TM2D3: variants seen among roughly 807,000 people sequenced by gnomAD.
TM2D3 encodes the protein TM2 domain-containing protein 3.
In TM2D3, 33 loss-of-function variants were observed where a neutral mutation model predicts 27.3. That is an observed-to-expected ratio of 1.21 (90% CI 0.92 to 1.61). TM2D3 has a LOEUF of 1.61. TM2D3 is among the 40% of genes most tolerant of loss of function. The pLI is 0.00. For missense variants in TM2D3, 364 were observed against 320.8 expected (o/e 1.13, Z -1.03); for synonymous variants, 138 against 122.2 (o/e 1.13, Z -0.85).
chr15:101,650,874 G>C (rs1490058554), intron 2 of TM2D3: 1 of 152,214 alleles, frequency 6.6e-6, no homozygotes, highest in Admixed American at 6.5e-5. Context: ...TCAAAAGCCT[G>C]CAAGAGTTAA....
At chr15:101,651,964 G>T (rs918019585) in intron 1 of TM2D3, 191 bp from the exon 2 acceptor site, 22 of 615,800 alleles carry the variant, frequency 3.6e-5, no homozygotes, top group Non-Finnish European at 6.0e-5. Flanking sequence ...CAGGTCAGCC[G>T]GCAACGAGGG....
At chr15:101,636,792 AT>A (rs1958234466) in intron 4 of TM2D3, 1 of 291,238 alleles carries the variant, frequency 3.4e-6, no homozygotes, top group South Asian at 2.6e-5. Flanking sequence ...CCAGCAATAT[AT>A]GAAGGTTCCA....
At chr15:101,636,934 T>G (rs1896563733), downstream of TM2D3, 8 of 436,976 alleles carry the variant, frequency 1.8e-5, 1 homozygote, top group South Asian at 1.3e-4. Flanking sequence ...AGAGTCCAAC[T>G]CTGTAAAATA....
At chr15:101,648,561 C>T (rs1005728516) in intron 3 of TM2D3, among the ~76,000 whole-genome samples, 1 of 152,186 alleles carries the variant, frequency 6.6e-6, no homozygotes, top group African/African-American at 2.4e-5. Flanking sequence ...CTGGCCCAGC[C>T]GCCGGGAGCC....
chr15:101,641,037 G>C (rs537841182), downstream of TM2D3, among the ~76,000 whole-genome samples: 4 of 152,184 alleles, frequency 2.6e-5, no homozygotes, highest in Non-Finnish European at 4.4e-5. Flanking sequence ...GCTCAACAGG[G>C]AAGTATTAGA....
intron 4 of TM2D3, chr15:101,645,760 AC>A (rs1478204906): frequency 6.6e-6 from 1 of 151,836 alleles, no homozygotes; most frequent in East Asian, 1.9e-4. Context: ...AACTCTAATA[AC>A]TTCCAGTAAT....
downstream of TM2D3, among the ~76,000 whole-genome samples, chr15:101,640,149 CAT>C (rs1189333044): frequency 1.3e-5 from 2 of 152,198 alleles, no homozygotes; most frequent in Non-Finnish European, 2.9e-5. Context: ...ATAGCTCACA[CAT>C]GATGGACTGA....
At chr15:101,635,381 A>C (rs1203192377) in intron 4 of TM2D3, 1 of 152,164 alleles carries the variant, frequency 6.6e-6, no homozygotes, top group Non-Finnish European at 1.5e-5. Context: ...ACTGTTTGCA[A>C]TCTGTGAGCA....
intron 5 of TM2D3, among the ~76,000 whole-genome samples, chr15:101,643,637 A>C (rs948350536): frequency 6.7e-6 from 1 of 150,044 alleles, no homozygotes; most frequent in Non-Finnish European, 1.5e-5. Flanking sequence ...AAAAAAAAAA[A>C]AACCATGTTG....
At chr15:101,638,989 C>T (rs1348627248), downstream of TM2D3, among the ~76,000 whole-genome samples, 1 of 152,216 alleles carries the variant, frequency 6.6e-6, no homozygotes, top group African/African-American at 2.4e-5. Flanking sequence ...AGCTGAGCTA[C>T]AGCAGAGAAC....
intron 2 of TM2D3, chr15:101,651,189 G>A (rs1596269175): frequency 6.5e-6 from 1 of 153,578 alleles, no homozygotes; most frequent in East Asian, 1.9e-4. Context: ...ATGACTTTAG[G>A]TCGTCAGACC....
At chr15:101,642,716 C>T in intron 5 of TM2D3, 72 bp from the exon 6 acceptor site, 2 of 1,332,964 alleles carry the variant, frequency 1.5e-6, no homozygotes, top group South Asian at 3.0e-5. Context: ...GGTTTAATCA[C>T]CACATTATGT....
Position 101,650,011 on chromosome 15 carries a change from G to GT in TM2D3, c.319dup (p.Thr107AsnfsTer4), listed in dbSNP as rs770752834. The GT allele has an allele frequency of 3.3e-5, 54 of 1,613,524 alleles. No individual in the cohort carries two copies. Among genetic ancestry groups the GT allele is most frequent in the Admixed American group, 8.3e-5 (5 of 59,906 alleles). On this transcript the variant is annotated frameshift_variant, in exon 3 of 6. Transcript: ENST00000333202. LOFTEE classifies it high-confidence loss of function. The stretch of plus-strand genomic sequence containing the variant: ...GTAAGCTGCAGTACTTACAACACAG[G>GT]TAACAGATGGTTTCACTGCACAGTC...
intron 2 of TM2D3, chr15:101,651,432 ATGAAGTGG>A: frequency 2.4e-6 from 1 of 424,884 alleles, no homozygotes. Flanking sequence ...ATTTTGATGG[ATGAAGTGG>A]AAAAATAATA....
chr15:101,638,671 A>T (rs746218462), downstream of TM2D3, among the ~76,000 whole-genome samples: 1 of 151,914 alleles, frequency 6.6e-6, no homozygotes, highest in African/African-American at 2.4e-5. Flanking sequence ...CCTGAGCAAT[A>T]ATTTTTTTTC....
intron 5 of TM2D3, 102 bp from the exon 6 acceptor site, chr15:101,642,746 C>T: frequency 1.0e-6 from 1 of 975,908 alleles, no homozygotes. Context: ...GAAAGGGCTT[C>T]CCCTGATCGT....
At chr15:101,644,973 A>T in intron 5 of TM2D3, 114 bp downstream of exon 5, 1 of 905,028 alleles carries the variant, frequency 1.1e-6, no homozygotes, top group Non-Finnish European at 1.7e-6. Flanking sequence ...AGAGTCTAAC[A>T]CACGTGGTAG....
At chr15:101,636,757 G>T (rs1282670859) in intron 4 of TM2D3, 5 of 214,610 alleles carry the variant, frequency 2.3e-5, no homozygotes, top group Non-Finnish European at 4.0e-5. Flanking sequence ...GTTTTCCTGG[G>T]CAGCTACATC....
chr15:101,637,751 T>A (rs894204846), downstream of TM2D3, among the ~76,000 whole-genome samples: 5 of 152,172 alleles, frequency 3.3e-5, no homozygotes, highest in Non-Finnish European at 7.3e-5. Context: ...TTATTTATTT[T>A]TTTTAGAGAC....
Sources: gnomAD v4.1 joint callset for allele counts (sites outside exome capture counted in the v4.1 genomes callset) on GRCh38, gnomAD v4.1.1 for gene constraint, MANE v1.5 for transcripts, NCBI Gene and HGNC (gene_info 2026-07-23, HGNC 2026-07-21) for gene names.